The following BABAM2 variants were observed in gnomAD, a reference collection of about 807,000 sequenced individuals.
The protein encoded by BABAM2 is BRISC and BRCA1-A complex member 2.
In BABAM2, 31 loss-of-function variants were observed where a neutral mutation model predicts 54.7. The observed-to-expected ratio is 0.57, with a 90% CI of 0.43 to 0.77. The LOEUF (loss-of-function observed/expected upper bound fraction) is 0.77. BABAM2 is among the 30% of genes least tolerant of loss of function. BABAM2 has a pLI of 0.00. For synonymous variants in BABAM2, 167 were observed against 162.9 expected (o/e 1.03, Z -0.19); for missense variants, 364 against 455.8 (o/e 0.80, Z 1.83).
At chr2:27,930,728 C>T (rs998007360) in intron 3 of BABAM2, among the ~76,000 whole-genome samples, 1 of 152,140 alleles carries the variant, frequency 6.6e-6, no homozygotes, top group Non-Finnish European at 1.5e-5. Flanking sequence ...TGGACTTAGC[C>T]CATCAGCTAC....
chr2:27,915,397 A>G (rs925992120), intron 2 of BABAM2, among the ~76,000 whole-genome samples: 1 of 152,182 alleles, frequency 6.6e-6, no homozygotes, highest in African/African-American at 2.4e-5. Flanking sequence ...GTGGATCCTC[A>G]TAACAGCTCT....
chr2:28,001,072 G>A (rs945796061), intron 4 of BABAM2, among the ~76,000 whole-genome samples: 3 of 152,144 alleles, frequency 2.0e-5, no homozygotes, highest in Non-Finnish European at 4.4e-5. Context: ...CTACTGGGAT[G>A]TCATTGCTTT....
At chr2:27,903,184 G>A (rs1013906657) in intron 2 of BABAM2, among the ~76,000 whole-genome samples, 5 of 148,880 alleles carry the variant, frequency 3.4e-5, no homozygotes, top group Non-Finnish European at 7.4e-5. Flanking sequence ...TATCACACAT[G>A]GGCCTGTTGC....
intron 10 of BABAM2, among the ~76,000 whole-genome samples, chr2:28,245,433 C>A (rs1440865464): frequency 6.6e-6 from 1 of 152,132 alleles, no homozygotes; most frequent in South Asian, 2.1e-4. Context: ...AATGTATCCC[C>A]AACATCATTT....
chr2:28,194,487 TAAAC>T (rs906094140), intron 7 of BABAM2, among the ~76,000 whole-genome samples: 12 of 151,184 alleles, frequency 7.9e-5, no homozygotes, highest in African/African-American at 2.4e-4. Context: ...CCTCTCCAAA[TAAAC>T]AGTGACTATT....
chr2:27,998,910 G>A (rs918761499), intron 4 of BABAM2, among the ~76,000 whole-genome samples: 3 of 152,198 alleles, frequency 2.0e-5, no homozygotes, highest in African/African-American at 7.2e-5. Context: ...TTGAGTAGAA[G>A]ATAGAGAACC....
intron 9 of BABAM2, 91 bp downstream of exon 9, chr2:28,241,484 A>G: frequency 6.6e-6 from 8 of 1,207,196 alleles, no homozygotes; most frequent in Admixed American, 3.8e-5. Flanking sequence ...AATAGCACTT[A>G]GTTCTTACAC....
intron 4 of BABAM2, chr2:28,015,866 T>C: frequency 1.5e-6 from 1 of 680,896 alleles, no homozygotes; most frequent in Non-Finnish European, 2.4e-6. Flanking sequence ...CTGCTTTTCC[T>C]CTTTTTTGCT....
Position 28,076,854 on chromosome 2 carries a change from T to G in BABAM2, c.570+31055T>G, listed in dbSNP as rs146265150. Among the ~76,000 whole-genome samples the G allele has an allele frequency of 7.9e-5, 12 of 152,310 alleles. No homozygotes were observed. The East Asian group carries it at 2.3e-3, about 29-fold the overall frequency. On this transcript the variant is annotated intron_variant, in intron 6 of 11. Transcript: ENST00000379624. ...TATCATCTCAATTTTCTCTTTTTAC[T>G]TTGTATAAAGATATTTCTGTACCAT...
chr2:28,098,316 G>C (rs916015971), intron 6 of BABAM2, among the ~76,000 whole-genome samples: 2 of 151,940 alleles, frequency 1.3e-5, no homozygotes, highest in Non-Finnish European at 1.5e-5. Context: ...TTATAAATGG[G>C]GTCTTTTCTA....
chr2:28,181,181 A>G (rs1296372219), intron 7 of BABAM2, among the ~76,000 whole-genome samples: 5 of 152,184 alleles, frequency 3.3e-5, no homozygotes, highest in Non-Finnish European at 7.4e-5. Context: ...GGCAGCAGAA[A>G]AAACAATTGC....
At chr2:28,214,748 G>A (rs1679780141) in intron 7 of BABAM2, among the ~76,000 whole-genome samples, 1 of 151,330 alleles carries the variant, frequency 6.6e-6, no homozygotes, top group Non-Finnish European at 1.5e-5. Flanking sequence ...TATCAGCTTG[G>A]GTAAGTTCCT....
At chr2:28,236,371 CT>C (rs1233571682) in intron 7 of BABAM2, among the ~76,000 whole-genome samples, 8 of 128,984 alleles carry the variant, frequency 6.2e-5, no homozygotes, top group South Asian at 4.9e-4. Context: ...TTTCTTTTTT[CT>C]TTTTTTTTTG....
chr2:28,225,505 G>C (rs139305060), intron 7 of BABAM2, among the ~76,000 whole-genome samples: 25 of 152,212 alleles, frequency 1.6e-4, no homozygotes, highest in Non-Finnish European at 3.1e-4. Flanking sequence ...TTTTCTGAGT[G>C]TTAAAATTAT....
chr2:28,070,195 C>CT (rs1663994836), intron 6 of BABAM2, among the ~76,000 whole-genome samples: 2 of 152,204 alleles, frequency 1.3e-5, no homozygotes, highest in Non-Finnish European at 2.9e-5. Flanking sequence ...AATCAAATTA[C>CT]TTTTTCACTC....
intron 6 of BABAM2, among the ~76,000 whole-genome samples, chr2:28,121,408 C>G (rs1377465358): frequency 6.6e-6 from 1 of 152,180 alleles, no homozygotes; most frequent in Non-Finnish European, 1.5e-5. Flanking sequence ...TTACTTATGT[C>G]ACTTTCCTTG....
chr2:28,244,414 T>C (rs1682731586), intron 9 of BABAM2, among the ~76,000 whole-genome samples: 1 of 151,094 alleles, frequency 6.6e-6, no homozygotes, highest in Non-Finnish European at 1.5e-5. Context: ...CTTCTACTCA[T>C]AATTAATGTA....
intron 7 of BABAM2, among the ~76,000 whole-genome samples, chr2:28,206,794 A>AT (rs755084326): frequency 3.3e-5 from 5 of 152,170 alleles, no homozygotes; most frequent in African/African-American, 7.2e-5. Flanking sequence ...ACGCTGTGTG[A>AT]TTTTGCCAGT....
At chr2:27,945,762 T>G (rs1669253836) in intron 3 of BABAM2, among the ~76,000 whole-genome samples, 1 of 152,086 alleles carries the variant, frequency 6.6e-6, no homozygotes, top group Non-Finnish European at 1.5e-5. Flanking sequence ...TACCTCTAAA[T>G]ATATCATACT....
Sources: allele counts gnomAD v4.1 joint callset (sites outside exome capture counted in the v4.1 genomes callset), GRCh38; gene constraint gnomAD v4.1.1; transcripts MANE v1.5; gene names NCBI Gene and HGNC (gene_info 2026-07-23, HGNC 2026-07-21).